The following SMIM19 variants were observed in gnomAD, a reference collection of about 807,000 sequenced individuals.
SMIM19 encodes the protein UPF0697 protein C8orf40.
A neutral mutation model predicts 13.2 loss-of-function variants in SMIM19; 6 were observed. The ratio of observed to expected loss-of-function variants is 0.45; its 90% CI spans 0.25 to 0.90. The LOEUF (loss-of-function observed/expected upper bound fraction) is 0.90, where lower values mean the gene tolerates loss of function less well. Among genes scored for constraint, SMIM19 ranks in the 40% least tolerant of loss-of-function variants. SMIM19 has a pLI of 0.19. For missense variants in SMIM19, 138 were observed against 131.0 expected (o/e 1.05, Z -0.26); for synonymous variants, 46 against 43.1 (o/e 1.07, Z -0.27).
chr8:42,544,424 A>T (rs545039381), intron 1 of SMIM19, among the ~76,000 whole-genome samples: 1 of 152,134 alleles, frequency 6.6e-6, no homozygotes, highest in South Asian at 2.1e-4. Flanking sequence ...GAAAAAAAAA[A>T]AAAAAAATGC....
At chr8:42,546,419 T>C (rs1437495058) in intron 1 of SMIM19, 50 bp from the exon 2 acceptor site, 2 of 1,561,972 alleles carry the variant, frequency 1.3e-6, no homozygotes, top group Non-Finnish European at 1.7e-6. Flanking sequence ...CTCCAGACAG[T>C]GCTACCATCA....
chr8:42,545,517 C>T (rs1033061712), intron 1 of SMIM19, among the ~76,000 whole-genome samples: 1 of 152,002 alleles, frequency 6.6e-6, no homozygotes, highest in Admixed American at 6.6e-5. Context: ...GCAGCACAGC[C>T]AGGTGTTGAG....
chr8:42,552,725 T>G lies in SMIM19; in HGVS notation c.*117T>G. ...ATAAAATTATTTTACTTGTAACTTT[T>G]CCCCAATTGTTCTGTGCATTGTTTT... On this transcript the variant is annotated 3_prime_UTR_variant, in exon 4 of 4. Coordinates refer to ENST00000417410, the MANE Select transcript of SMIM19 (RefSeq NM_001135674.2). The G allele has an allele frequency of 3.2e-6, 4 of 1,254,578 alleles. No individual in the cohort carries two copies. The highest frequency in any genetic ancestry group is 4.5e-6 in the Non-Finnish European group (4 of 885,956). The allele number at this position is 1,254,578 out of a possible 1,614,324, so 77.7% of individuals were successfully genotyped here.
At position 42,546,452 on chromosome 8, in the gene SMIM19, T is replaced by C; in HGVS notation, c.-4-17T>C. The C allele has an allele frequency of 1.3e-6, 2 of 1,585,668 alleles. No homozygotes were observed. Among genetic ancestry groups the C allele is most frequent in the Non-Finnish European group, 1.7e-6 (2 of 1,171,544 alleles). ...TCATTAATTAAAAGAAACCCTGCTT[T>C]CTTTTCTCTCTTACAGCCCCATGGC... On this transcript the variant is annotated splice_polypyrimidine_tract_variant and intron_variant, in intron 1 of 3. Coordinates refer to ENST00000417410, the MANE Select transcript of SMIM19 (RefSeq NM_001135674.2).
chr8:42,546,713 A>G (rs959735536), intron 2 of SMIM19, 107 bp downstream of exon 2: 4 of 1,352,370 alleles, frequency 3.0e-6, no homozygotes, highest in Non-Finnish European at 4.0e-6. Flanking sequence ...GGCTGGACGC[A>G]GTGGCTCACA....
At position 42,552,742 on chromosome 8, in the gene SMIM19, C is replaced by T. The variant is rs968749433; in HGVS notation, c.*134C>T. 5.0e-5 allele frequency: 54 copies of T among 1,078,322 alleles called. No individual in the cohort carries two copies. The highest frequency in any genetic ancestry group is 6.7e-5 in the Non-Finnish European group (50 of 749,216). The allele number at this position is 1,078,322 out of a possible 1,614,324, so 66.8% of individuals were successfully genotyped here. ...GTAACTTTTCCCCAATTGTTCTGTGCATTGTTTTGCCTTTTTAAATTACAT... is the reference window on the plus strand; with the variant it reads ...GTAACTTTTCCCCAATTGTTCTGTGTATTGTTTTGCCTTTTTAAATTACAT... On this transcript the variant is annotated 3_prime_UTR_variant, in exon 4 of 4. Transcript: ENST00000417410.
In SMIM19 at chr8:42,554,511, A is replaced by T. The variant is rs1246410299; in HGVS notation, c.*1903A>T. 6.6e-6 allele frequency: 1 copy of T among 152,248 alleles called. No homozygotes were observed. The highest frequency in any genetic ancestry group is 2.4e-5 in the African/African-American group (1 of 41,470). The allele number at this position is 152,248 out of a possible 1,614,324, so 9.4% of individuals were successfully genotyped here. A position where few individuals can be genotyped will look rare whatever the true frequency, so the allele number is the denominator to read the frequency against. ...TAGATAGAGATGGTCCTAACTACAA[A>T]CTAGTAGATTATTTGATGAGCATCA... is the stretch of plus-strand genomic sequence containing the variant. On this transcript the variant is annotated 3_prime_UTR_variant, in exon 4 of 4. Coordinates refer to ENST00000417410, the MANE Select transcript of SMIM19 (RefSeq NM_001135674.2).
intron 3 of SMIM19, among the ~76,000 whole-genome samples, chr8:42,551,759 A>G (rs1277650105): frequency 6.6e-6 from 1 of 152,112 alleles, no homozygotes; most frequent in Non-Finnish European, 1.5e-5. Context: ...CCTGGGCAAC[A>G]TGGTGAAACC....
In SMIM19 at chr8:42,543,791, T is replaced by G. The variant is rs1813373954; in HGVS notation, c.-5+1418T>G. ...TGTTCTAGTGGCCAGTGCTGTATGG[T>G]TCCCCGTTTCTTGCCTAATTTGTTA... is the stretch of plus-strand genomic sequence containing the variant. On this transcript the variant is annotated intron_variant, in intron 1 of 3. Transcript: ENST00000417410. Among the ~76,000 whole-genome samples the G allele has an allele frequency of 2.0e-5, 3 of 152,304 alleles. No individual in the cohort carries two copies. The South Asian group carries it at 6.2e-4, about 32-fold the overall frequency.
rs999940870 is a variant in SMIM19 at position 42,554,117 on chromosome 8, A to T, written c.*1509A>T. ...ATTCAGGGAAATTGCATTTACTTTT[A>T]AAAATGTGTTGTTCAAAAATGTATA... On this transcript the variant is annotated 3_prime_UTR_variant, in exon 4 of 4. Transcript: ENST00000417410. 1 of 152,260 alleles carries T rather than the reference A, an allele frequency of 6.6e-6. No individual in the cohort carries two copies. Among genetic ancestry groups the T allele is most frequent in the African/African-American group, 2.4e-5 (1 of 41,472 alleles). 9.4% of individuals were successfully genotyped at this position (152,260 alleles called of 1,614,324 possible).
rs755619011 is a variant in SMIM19, at chr8:42,552,526, T to C, written c.260-18T>C. 1.7e-5 allele frequency: 27 copies of C among 1,613,598 alleles called. No homozygotes were observed. Among genetic ancestry groups the C allele is most frequent in the Non-Finnish European group, 2.2e-5 (26 of 1,179,716 alleles). ...CAGTTTTATTAATTTTATCTCTTCT[T>C]TTTCTTGTTGTGAATAGCAAGAAAG... On this transcript the variant is annotated intron_variant, in intron 3 of 3. Coordinates refer to ENST00000417410, the MANE Select transcript of SMIM19 (RefSeq NM_001135674.2).
Position 42,548,721 on chromosome 8 carries a change from A to C in SMIM19, c.200A>C (p.Asn67Thr). 8 of 1,614,000 alleles carry C rather than the reference A, an allele frequency of 5.0e-6. No homozygotes were observed. Among genetic ancestry groups the C allele is most frequent in the Non-Finnish European group, 6.8e-6 (8 of 1,179,956 alleles). Residue 67 changes from asparagine (N) to threonine (T), a missense_variant, in exon 3 of 4, where the codon AAC becomes ACC. Transcript: ENST00000417410. ...PPTEETLSEP[N>T]FYDTISKIRL... ...ACAGAGGAAACTTTGTCAGAGCCCAACTTTTATGACACGATAAGCAAGATT... is the reference window on the plus strand; with the variant it reads ...ACAGAGGAAACTTTGTCAGAGCCCACCTTTTATGACACGATAAGCAAGATT...
intron 2 of SMIM19, 96 bp from the exon 3 acceptor site, chr8:42,548,560 C>T: frequency 1.3e-6 from 2 of 1,509,452 alleles, no homozygotes; most frequent in Admixed American, 1.7e-5. Context: ...TCATTTAAGT[C>T]CTTTTACCAC....
intron 2 of SMIM19, 50 bp downstream of exon 2, chr8:42,546,656 T>C (rs750766948): frequency 1.3e-6 from 2 of 1,581,172 alleles, no homozygotes; most frequent in Non-Finnish European, 1.7e-6. Flanking sequence ...TTACAAGTTT[T>C]GCTAGTTTAA....
Position 42,554,173 on chromosome 8 carries a change from T to A in SMIM19, c.*1565T>A, listed in dbSNP as rs1393782248. On this transcript the variant is annotated 3_prime_UTR_variant, in exon 4 of 4. Coordinates refer to ENST00000417410, the MANE Select transcript of SMIM19 (RefSeq NM_001135674.2). ...TACAAAGTGAATTGACCAAACAGAATAATTCTTAACTCACAAAGGAGTTTG... is the reference window on the plus strand; with the variant it reads ...TACAAAGTGAATTGACCAAACAGAAAAATTCTTAACTCACAAAGGAGTTTG... 1 of 152,210 alleles carries A rather than the reference T, an allele frequency of 6.6e-6. No homozygotes were observed. Among genetic ancestry groups the A allele is most frequent in the Non-Finnish European group, 1.5e-5 (1 of 68,026 alleles). 9.4% of individuals were successfully genotyped at this position (152,210 alleles called of 1,614,324 possible).
In SMIM19 at chr8:42,552,595, T is replaced by C; in HGVS notation, c.311T>C (p.Leu104Pro). ...QPQNQADSVQ[L>P]SLE Reference sequence around the variant, plus strand: ...CAAAACCAAGCTGACAGTGTGCAACTCTCATTGGAATGAAACCTCAGAAAA... The same window carrying C: ...CAAAACCAAGCTGACAGTGTGCAACCCTCATTGGAATGAAACCTCAGAAAA... The change falls in exon 4 of 4, where the codon CTC (leucine) becomes CCC (proline). Residue 104 changes from leucine (L) to proline (P), a missense_variant. Leu to Pro is a moderately conservative substitution (Grantham distance 98). Transcript: ENST00000417410. 6.2e-7 allele frequency: 1 copy of C among 1,614,118 alleles called. No individual in the cohort carries two copies. Among genetic ancestry groups the C allele is most frequent in the East Asian group, 2.2e-5 (1 of 44,880 alleles).
upstream of SMIM19, chr8:42,541,483 C>A (rs1167626799): frequency 7.1e-6 from 1 of 141,038 alleles, no homozygotes; most frequent in Non-Finnish European, 1.5e-5. Context: ...GCCGCCGCTG[C>A]GTCTCTCCGG....
chr8:42,550,105 TA>T (rs981972952), intron 3 of SMIM19, among the ~76,000 whole-genome samples: 75 of 150,248 alleles, frequency 5.0e-4, no homozygotes, highest in African/African-American at 1.7e-3. Flanking sequence ...TTAAAAAAAA[TA>T]AAAAAAAGTA....
At chr8:42,548,572 G>A in intron 2 of SMIM19, 84 bp from the exon 3 acceptor site, 1 of 1,563,872 alleles carries the variant, frequency 6.4e-7, no homozygotes, top group African/African-American at 1.4e-5. Context: ...TTTTACCACA[G>A]CTTCTGATGA....
Sources: gnomAD v4.1 joint callset for allele counts (sites outside exome capture counted in the v4.1 genomes callset) on GRCh38, gnomAD v4.1.1 for gene constraint, MANE v1.5 for transcripts, NCBI Gene and HGNC (gene_info 2026-07-23, HGNC 2026-07-21) for gene names.